The following CLSPN variants were observed in gnomAD, a reference collection of about 807,000 sequenced individuals.
CLSPN encodes the protein claspin homolog.
A neutral mutation model predicts 156.3 loss-of-function variants in CLSPN; 85 were observed. The observed-to-expected ratio is 0.54, with a 90% confidence interval of 0.46 to 0.65. The LOEUF is 0.65. Among genes scored for constraint, CLSPN ranks in the 30% least tolerant of loss-of-function variants. The pLI is 0.00. For missense variants in CLSPN, 1,407 were observed against 1,554.9 expected (o/e 0.90, Z 1.60); for synonymous variants, 534 against 542.4 (o/e 0.98, Z 0.22).
chr1:35,724,104 T>A (rs1034265214), intron 24 of CLSPN, among the ~76,000 whole-genome samples: 2 of 151,668 alleles, frequency 1.3e-5, no homozygotes, highest in African/African-American at 2.4e-5. Context: ...TTCACAGAGG[T>A]GATTTTTTTT....
Position 35,737,004 on chromosome 1 carries a change from G to A in CLSPN, c.3819C>T (p.Asn1273=). Residue 1273 remains asparagine (N), a synonymous_variant, in exon 24 of 25, where the codon AAC becomes AAT. Coordinates refer to ENST00000318121, the MANE Select transcript of CLSPN (RefSeq NM_022111.4). ...TTCTTGAATTTCGAGGAGCACTGGG[G>A]TTATGGTCAGAGAGAGCAGCCAGTT... ...LQKLAALSDH[N]PSAPRNSRNF... is the part of the protein sequence containing the mutation. 1 of 1,614,080 alleles carries A rather than the reference G, an allele frequency of 6.2e-7. No homozygotes were observed.
chr1:35,732,798 A>G lies in CLSPN; in HGVS notation c.*3698T>C, dbSNP rs1641349518. The G allele has an allele frequency of 1.0e-6, 1 of 985,402 alleles. No homozygotes were observed. Among genetic ancestry groups the G allele is most frequent in the African/African-American group, 1.7e-5 (1 of 57,352 alleles). 61.0% of individuals were successfully genotyped at this position (985,402 alleles called of 1,614,324 possible). A position where few individuals can be genotyped will look rare whatever the true frequency, so the allele number is the denominator to read the frequency against. On this transcript the variant is annotated 3_prime_UTR_variant, in exon 25 of 25. Transcript: ENST00000318121. ...GCTCAGTGCTTTGGGCAAAGGGCAT[A>G]TGGGTCAGATTGAAACTGTCCATGT... is the stretch of plus-strand genomic sequence containing the variant.
Position 35,749,791 on chromosome 1 carries a change from A to G in CLSPN, c.2049T>C (p.Ser683=). Residue 683 remains serine (S), a synonymous_variant, in exon 11 of 25, where the codon AGT becomes AGC. Coordinates refer to ENST00000318121, the MANE Select transcript of CLSPN (RefSeq NM_022111.4). The part of the protein sequence containing the change: ...GNQETAEFLL[S]SEEIETKDEK... The stretch of plus-strand genomic sequence containing the variant: ...CATCTTTTGTTTCTATTTCTTCACT[A>G]CTAAGAAGGAATTCTGCAGTCTTTA... The G allele has an allele frequency of 3.1e-6, 5 of 1,613,930 alleles. No individual in the cohort carries two copies. The highest frequency in any genetic ancestry group is 1.3e-5 in the African/African-American group (1 of 75,032).
chr1:35,752,869 G>A (rs994001757), intron 9 of CLSPN, among the ~76,000 whole-genome samples: 3 of 151,978 alleles, frequency 2.0e-5, no homozygotes, highest in African/African-American at 7.3e-5. Context: ...CACAAAATAC[G>A]GTATATGGAT....
exon 25 of CLSPN, chr1:35,720,608 CA>C (rs1641052425): frequency 5.3e-6 from 1 of 189,168 alleles, no homozygotes; most frequent in South Asian, 1.1e-4. Context: ...TGCATCACGT[CA>C]GCTAATTTTT....
At position 35,761,182 on chromosome 1, in the gene CLSPN, A is replaced by C; in HGVS notation, c.918T>G (p.Tyr306Ter). The C allele has an allele frequency of 6.2e-7, 1 of 1,612,664 alleles. No individual in the cohort carries two copies. Among genetic ancestry groups the C allele is most frequent in the Non-Finnish European group, 8.5e-7 (1 of 1,178,640 alleles). ...GAATGGTTTTATTCTCAGGCATATG[A>C]TATGGAAGGTTCAGTGCAGACTCTA... The part of the protein sequence containing the change: ...LIRESALNLP[Y>*]HMPENKTIHD... Residue 306 changes from tyrosine (Y) to a stop codon, truncating the protein, a stop_gained, in exon 7 of 25, where the codon TAT becomes TAG. Transcript: ENST00000318121. LOFTEE classifies it high-confidence loss of function.
At chr1:35,744,574 G>A (rs1315837929) in intron 16 of CLSPN, among the ~76,000 whole-genome samples, 1 of 152,164 alleles carries the variant, frequency 6.6e-6, no homozygotes, top group Non-Finnish European at 1.5e-5. Context: ...GGGATTACAC[G>A]TGTGAGCCAC....
chr1:35,726,074 T>C (rs1318438890), intron 24 of CLSPN, among the ~76,000 whole-genome samples: 2 of 134,364 alleles, frequency 1.5e-5, no homozygotes, highest in Admixed American at 1.7e-4. Flanking sequence ...TTTGAGTTGG[T>C]TGCACCCAAA....
At chr1:35,748,820 CTTTTT>C (rs201350754) in intron 12 of CLSPN, 356 of 292,586 alleles carry the variant, frequency 1.2e-3, no homozygotes, top group Middle Eastern at 3.9e-3. Context: ...CTTGAAAGTT[CTTTTT>C]TTTTTTTTTT....
rs747448403 is a variant in CLSPN at position 35,751,325 on chromosome 1, C to G, written c.1953G>C (p.Glu651Asp). Residue 651 changes from glutamate (E) to aspartate (D), a missense_variant, in exon 10 of 25, where the codon GAG becomes GAC. Physicochemically the swap from Glu to Asp is conservative, Grantham distance 45 (BLOSUM62 2). Coordinates refer to ENST00000318121, the MANE Select transcript of CLSPN (RefSeq NM_022111.4). ...ESEEDGEEKVEKEEKEEELEE... is the reference protein window; with the variant it reads ...ESEEDGEEKVDKEEKEEELEE... ...CTAGTTCTTCCTCTTTCTCTTCTTT[C>G]TCTACCTTCTCTTCTCCATCTTCCT... 2 of 1,589,518 alleles carry G rather than the reference C, an allele frequency of 1.3e-6. No individual in the cohort carries two copies. Among genetic ancestry groups the G allele is most frequent in the South Asian group, 2.2e-5 (2 of 90,570 alleles).
Position 35,762,754 on chromosome 1 carries a change from G to A in CLSPN, c.745-273C>T, listed in dbSNP as rs138386994. 4.9e-3 allele frequency among the ~76,000 whole-genome samples: 751 copies of A among 152,202 alleles called. 11 individuals carry two copies. Among genetic ancestry groups the A allele is most frequent in the African/African-American group, 0.017 (717 of 41,544 alleles). ...GGAAGCTAAAAAAAAATCTTAGGAA[G>A]AAAAATTATGCTTCCAAACACTCGG... is the stretch of plus-strand genomic sequence containing the variant. On this transcript the variant is annotated intron_variant, in intron 4 of 24. Coordinates refer to ENST00000318121, the MANE Select transcript of CLSPN (RefSeq NM_022111.4).
In CLSPN at chr1:35,769,934, C is replaced by T; in HGVS notation, c.-64G>A. ...GTCTCTGATTCCCTCAGCCGGAGAG[C>T]AGCGGCTCCCGCCGTCTCCAGCCCA... On this transcript the variant is annotated 5_prime_UTR_variant, in exon 1 of 25. Transcript: ENST00000318121. 5 of 1,584,076 alleles carry T rather than the reference C, an allele frequency of 3.2e-6. No homozygotes were observed. Among genetic ancestry groups the T allele is most frequent in the Non-Finnish European group, 4.3e-6 (5 of 1,161,394 alleles).
chr1:35,759,717 C>T (rs1642406369), intron 8 of CLSPN, among the ~76,000 whole-genome samples: 1 of 151,874 alleles, frequency 6.6e-6, no homozygotes, highest in Non-Finnish European at 1.5e-5. Context: ...TAAGATTTGA[C>T]TCAGGATTAC....
At position 35,743,285 on chromosome 1, in the gene CLSPN, G is replaced by A. The variant is rs946341111; in HGVS notation, c.3043-44C>T. The A allele has an allele frequency of 1.0e-5, 15 of 1,479,348 alleles. No homozygotes were observed. The Admixed American group carries it at 1.1e-4, about 11-fold the overall frequency. 91.6% of individuals were successfully genotyped at this position (1,479,348 alleles called of 1,614,324 possible). ...ATCCAAATTAAGCAGAATAAAATGC[G>A]TCCTCAATGAAAAAAGGATTTATAA... On this transcript the variant is annotated intron_variant, in intron 17 of 24. Coordinates refer to ENST00000318121, the MANE Select transcript of CLSPN (RefSeq NM_022111.4).
chr1:35,734,624 G>T lies in CLSPN; in HGVS notation c.*1872C>A. The T allele has an allele frequency of 2.0e-6, 1 of 500,642 alleles. No homozygotes were observed. The highest frequency in any genetic ancestry group is 2.6e-6 in the Non-Finnish European group (1 of 390,476). 31.0% of individuals were successfully genotyped at this position (500,642 alleles called of 1,614,324 possible). On this transcript the variant is annotated 3_prime_UTR_variant, in exon 25 of 25. Coordinates refer to ENST00000318121, the MANE Select transcript of CLSPN (RefSeq NM_022111.4). ...ACCTAGGAGGCGGAGGTTGCAGTAA[G>T]CCGAGATCATGCCATTGTATTCCAG... is the stretch of plus-strand genomic sequence containing the variant.
rs2148610784 is a variant in CLSPN, at chr1:35,734,544, G to A, written c.*1952C>T. 3 of 290,300 alleles carry A rather than the reference G, an allele frequency of 1.0e-5. No individual in the cohort carries two copies. Among genetic ancestry groups the A allele is most frequent in the East Asian group, 1.7e-4 (1 of 5,720 alleles). 18.0% of individuals were successfully genotyped at this position (290,300 alleles called of 1,614,324 possible). ...AAAATACAAAAAATTAGCTGGGAGT[G>A]GTGGCAGGTGCCTGTAATCCCTGCT... is the stretch of plus-strand genomic sequence containing the variant. On this transcript the variant is annotated 3_prime_UTR_variant, in exon 25 of 25. Transcript: ENST00000318121.
chr1:35,725,124 G>A (rs1254509609), intron 24 of CLSPN, among the ~76,000 whole-genome samples: 5 of 152,068 alleles, frequency 3.3e-5, no homozygotes, highest in Admixed American at 2.0e-4. Context: ...TAAGGGCTCC[G>A]AGGGAACTTC....
At chr1:35,759,400 T>C (rs534387356) in intron 8 of CLSPN, among the ~76,000 whole-genome samples, 4 of 152,238 alleles carry the variant, frequency 2.6e-5, no homozygotes, top group Non-Finnish European at 5.9e-5. Context: ...CTTTTCCTTT[T>C]TCTTCATGTT....
chr1:35,763,850 G>A (rs114419839), intron 3 of CLSPN, among the ~76,000 whole-genome samples: 1,608 of 150,296 alleles, frequency 0.011, 29 homozygotes, highest in African/African-American at 0.037. Flanking sequence ...CTGGAATGCA[G>A]TGGTACAATT....
Sources: allele counts gnomAD v4.1 joint callset (sites outside exome capture counted in the v4.1 genomes callset), GRCh38; gene constraint gnomAD v4.1.1; transcripts MANE v1.5; gene names NCBI Gene and HGNC (gene_info 2026-07-23, HGNC 2026-07-21).